Variants in RPL12 observed in about 807,000 individuals in gnomAD.
RPL12 encodes the protein large ribosomal subunit protein uL11.
RPL12 carries 10 observed loss-of-function variants against 24.5 expected under a neutral mutation model. The observed-to-expected ratio is 0.41, with a 90% CI of 0.25 to 0.69. RPL12 has a LOEUF of 0.69. RPL12 is among the 30% of genes least tolerant of loss of function. RPL12 has a pLI of 0.33. For synonymous variants in RPL12, 74 were observed against 76.1 expected (o/e 0.97, Z 0.14); for missense variants, 137 against 205.3 (o/e 0.67, Z 2.03).
chr9:127,448,737 C>T, intron 4 of RPL12: 1 of 511,512 alleles, frequency 2.0e-6, no homozygotes, highest in South Asian at 1.7e-5. Flanking sequence ...GTACCTGCCA[C>T]CTGTATGTGG....
Position 127,449,723 on chromosome 9 carries a change from A to C in RPL12, c.112-15T>G, listed in dbSNP as rs370881098. ...TTTTTTGGAGACTAGAAATAAAGGC[A>C]TGTAATCAACATGGTGTCCAGAGGT... is the stretch of plus-strand genomic sequence containing the variant. On this transcript the variant is annotated splice_polypyrimidine_tract_variant and intron_variant, in intron 2 of 6. Coordinates refer to ENST00000361436, the MANE Select transcript of RPL12 (RefSeq NM_000976.4). 6.2e-7 allele frequency: 1 copy of C among 1,601,048 alleles called. No individual in the cohort carries two copies. The highest frequency in any genetic ancestry group is 8.5e-7 in the Non-Finnish European group (1 of 1,171,096).
chr9:127,448,139 C>G, intron 5 of RPL12, 150 bp from the exon 6 acceptor site: 1 of 1,137,012 alleles, frequency 8.8e-7, no homozygotes, highest in African/African-American at 1.6e-5. Context: ...CCATCTAGTT[C>G]CATAACCCGG....
At chr9:127,451,022 G>C in intron 1 of RPL12, 1 of 641,198 alleles carries the variant, frequency 1.6e-6, no homozygotes, top group Non-Finnish European at 2.6e-6. Context: ...CAGGCCAATG[G>C]GGCGAAACGC....
chr9:127,448,677 CTG>C, intron 4 of RPL12: 1 of 701,508 alleles, frequency 1.4e-6, no homozygotes, highest in African/African-American at 1.7e-5. Flanking sequence ...ATGGCAGAAA[CTG>C]TTTTAGAGAA....
rs147189253 is a variant in RPL12 at position 127,449,657 on chromosome 9, C to T, written c.163G>A (p.Gly55Ser). 5 of 1,614,000 alleles carry T rather than the reference C, an allele frequency of 3.1e-6. No individual in the cohort carries two copies. In the African/African-American group the frequency reaches 6.7e-5, roughly 22 times the overall value. The change falls in exon 3 of 7, where the codon GGC (glycine) becomes AGC (serine). Residue 55 changes from glycine to serine, a missense_variant. By Grantham distance (56) the Gly-to-Ser change is moderately conservative. Coordinates refer to ENST00000361436, the MANE Select transcript of RPL12 (RefSeq NM_000976.4). ...DIAKATGDWK[G>S]LRITVKLTIQ... ...GTCAGTTTCACTGTAATCCTCAGGCCCTTCCAGTCACCCGTTGCCTTGGCA... is the reference window on the plus strand; with the variant it reads ...GTCAGTTTCACTGTAATCCTCAGGCTCTTCCAGTCACCCGTTGCCTTGGCA...
intron 1 of RPL12, 144 bp downstream of exon 1, chr9:127,451,137 T>TGA (rs1295339767): frequency 8.7e-7 from 1 of 1,144,640 alleles, no homozygotes; most frequent in Admixed American, 2.7e-5. Flanking sequence ...CCAGAAAGGC[T>TGA]GAGGCTTGGC....
chr9:127,450,461 T>C, intron 2 of RPL12: 3 of 433,538 alleles, frequency 6.9e-6, no homozygotes, highest in South Asian at 7.4e-5. Flanking sequence ...TCTAAGCCAG[T>C]CCTAACTTCA....
intron 2 of RPL12, chr9:127,449,951 G>A: frequency 4.1e-6 from 2 of 491,806 alleles, no homozygotes; most frequent in East Asian, 3.6e-5. Flanking sequence ...TGTGCTTAAG[G>A]AGGGGGATTT....
At chr9:127,451,021 G>A in intron 1 of RPL12, 2 of 639,584 alleles carry the variant, frequency 3.1e-6, no homozygotes, top group Non-Finnish European at 2.7e-6. Flanking sequence ...CCAGGCCAAT[G>A]GGGCGAAACG....
At position 127,449,695 on chromosome 9, in the gene RPL12, A is replaced by C. The variant is rs1834237779; in HGVS notation, c.125T>G (p.Val42Gly). ...IGPLGLSPKK[V>G]GDDIAKATGD... Reference sequence around the variant, plus strand: ...CGTTGCCTTGGCAATGTCATCACCAACTTTTTTTGGAGACTAGAAATAAAG... The same window carrying C: ...CGTTGCCTTGGCAATGTCATCACCACCTTTTTTTGGAGACTAGAAATAAAG... The change falls in exon 3 of 7, where the codon GTT becomes GGT. Residue 42 changes from valine to glycine, a missense_variant. Transcript: ENST00000361436. 1.2e-6 allele frequency: 2 copies of C among 1,613,284 alleles called. No individual in the cohort carries two copies. The highest frequency in any genetic ancestry group is 2.7e-5 in the African/African-American group (2 of 74,872).
At chr9:127,448,061 C>T in intron 5 of RPL12, 72 bp from the exon 6 acceptor site, 3 of 1,510,318 alleles carry the variant, frequency 2.0e-6, no homozygotes, top group Non-Finnish European at 2.7e-6. Context: ...CTGGGGAATA[C>T]TGAAGGGGTT....
intron 1 of RPL12, 193 bp from the exon 2 acceptor site, chr9:127,450,997 C>G (rs868635144): frequency 1.3e-5 from 8 of 638,022 alleles, no homozygotes; most frequent in Non-Finnish European, 1.9e-5. Context: ...GAGAGAGCCC[C>G]GTCGCCCGCT....
At chr9:127,448,832 CTTTTTT>C (rs368058964) in intron 4 of RPL12, among the ~76,000 whole-genome samples, 4 of 143,696 alleles carry the variant, frequency 2.8e-5, no homozygotes, top group Non-Finnish European at 6.1e-5. Context: ...CTACATGGCA[CTTTTTT>C]TTTTTTTTTT....
Position 127,449,624 on chromosome 9 carries a change from T to G in RPL12, c.196A>C (p.Asn66His). Reference protein sequence around the residue: ...LRITVKLTIQNRQAQIEVVPS... With the variant: ...LRITVKLTIQHRQAQIEVVPS... ...CAAGCAAATACCTGGGCCTGTCTGT[T>G]CTGAATGGTCAGTTTCACTGTAATC... The change falls in exon 3 of 7, where the codon AAC (asparagine) becomes CAC (histidine). Residue 66 changes from asparagine (N) to histidine (H), a missense_variant. Asn to His is a moderately conservative substitution (Grantham distance 68). Around this residue, in one of 3 missense-constraint regions of RPL12, gnomAD observed 118 missense variants for 160.7 expected, o/e 0.73. Transcript: ENST00000361436. 1 of 1,614,162 alleles carries G rather than the reference T, an allele frequency of 6.2e-7. No homozygotes were observed.
At position 127,451,298 on chromosome 9, in the gene RPL12, G is replaced by C. The variant is rs992503313; in HGVS notation, c.20C>G (p.Pro7Arg). 2 of 1,613,078 alleles carry C rather than the reference G, an allele frequency of 1.2e-6. No individual in the cohort carries two copies. Among genetic ancestry groups the C allele is most frequent in the Non-Finnish European group, 1.7e-6 (2 of 1,179,984 alleles). ...GCACGCACCGACTTTGATCTCGTTGGGGTCGAACTTCGGCGGCATGGTGGA... is the reference window on the plus strand; with the variant it reads ...GCACGCACCGACTTTGATCTCGTTGCGGTCGAACTTCGGCGGCATGGTGGA... MPPKFD[P>R]NEIKVVYLRC... The change falls in exon 1 of 7, where the codon CCC becomes CGC. Residue 7 changes from proline (P) to arginine (R), a missense_variant. Coordinates refer to ENST00000361436, the MANE Select transcript of RPL12 (RefSeq NM_000976.4).
In RPL12 at chr9:127,451,395, A is replaced by G. The variant is rs891683071; in HGVS notation, c.-78T>C. 33 of 1,582,514 alleles carry G rather than the reference A, an allele frequency of 2.1e-5. No individual in the cohort carries two copies. Among genetic ancestry groups the G allele is most frequent in the Non-Finnish European group, 2.8e-5 (32 of 1,159,208 alleles). The stretch of plus-strand genomic sequence containing the variant: ...TTGCACCTTGGCCTCCTCCGAGCCG[A>G]AAGCCGAGAGGCCGGAAATCGCGCG... On this transcript the variant is annotated 5_prime_UTR_variant, in exon 1 of 7. Transcript: ENST00000361436.
chr9:127,450,437 G>A, intron 2 of RPL12: 1 of 344,190 alleles, frequency 2.9e-6, no homozygotes, highest in Non-Finnish European at 5.3e-6. Flanking sequence ...TACAGATGTT[G>A]GCTGCCCAAT....
intron 4 of RPL12, 95 bp from the exon 5 acceptor site, chr9:127,448,518 C>T (rs372553174): frequency 1.6e-4 from 136 of 863,318 alleles, no homozygotes; most frequent in Non-Finnish European, 2.3e-4. Context: ...CCCATGCTTT[C>T]GGCACAGAGT....
chr9:127,447,772 T>TC (rs755682233), intron 6 of RPL12, 46 bp from the exon 7 acceptor site: 1 of 1,613,602 alleles, frequency 6.2e-7, no homozygotes, highest in Non-Finnish European at 8.5e-7. Flanking sequence ...AAAAGGATTA[T>TC]CCCACCCCAC....
Sources: allele counts gnomAD v4.1 joint callset (sites outside exome capture counted in the v4.1 genomes callset), GRCh38; gene constraint gnomAD v4.1.1; regional missense constraint gnomAD v4.1.1; transcripts MANE v1.5; gene names NCBI Gene and HGNC (gene_info 2026-07-23, HGNC 2026-07-21).